The following MTA3 variants were observed in gnomAD, a reference collection of about 807,000 sequenced individuals.
MTA3 encodes metastasis associated 1 family member 3.
In MTA3, 34 loss-of-function variants were observed where a neutral mutation model predicts 83.5. The ratio of observed to expected loss-of-function variants is 0.41; its 90% confidence interval spans 0.31 to 0.54. The LOEUF (loss-of-function observed/expected upper bound fraction) is 0.54, where lower values mean the gene tolerates loss of function less well. Ranked by LOEUF, MTA3 falls within the 20% of genes least tolerant of loss-of-function variation. The probability of loss-of-function intolerance (pLI) is 0.33; values close to 1 mark genes in which losing one functional copy is unlikely to be tolerated. For synonymous variants in MTA3, 303 were observed against 252.7 expected, an observed-to-expected ratio of 1.20 and a Z score of -1.89; for missense variants, 761 against 726.4, an observed-to-expected ratio of 1.05 and a Z score of -0.55.
chr2:42,544,144 G>A (rs1404534102), intron 2 of MTA3, among the ~76,000 whole-genome samples: 1 of 152,042 alleles, frequency 6.6e-6, no homozygotes, highest in Non-Finnish European at 1.5e-5. Flanking sequence ...AACAGTATAT[G>A]CTTCTAAGAT....
intron 12 of MTA3, among the ~76,000 whole-genome samples, chr2:42,707,345 G>A (rs1410932723): frequency 1.3e-5 from 2 of 151,888 alleles, no homozygotes; most frequent in African/African-American, 2.4e-5. Flanking sequence ...CCACATTCAA[G>A]CAATTCTACT....
intron 4 of MTA3, among the ~76,000 whole-genome samples, chr2:42,612,486 G>A (rs1684346573): frequency 6.6e-6 from 1 of 152,132 alleles, no homozygotes; most frequent in South Asian, 2.1e-4. Flanking sequence ...AAAGTGCTGG[G>A]ATTACAGGTG....
chr2:42,682,541 G>C lies in MTA3; in HGVS notation c.843G>C (p.Glu281Asp). The C allele has an allele frequency of 6.2e-7, 1 of 1,612,776 alleles. No homozygotes were observed. The highest frequency in any genetic ancestry group is 8.5e-7 in the Non-Finnish European group (1 of 1,179,402). The stretch of plus-strand genomic sequence containing the variant: ...CCTCTGAAGCTAGCTTATTTGAAGA[G>C]GCACTGGAAAAATATGGCAAAGACT... ...WSASEASLFE[E>D]ALEKYGKDFN... The change falls in exon 9 of 17, where the codon GAG becomes GAC. Residue 281 changes from glutamate (E) to aspartate (D), a missense_variant. Transcript: ENST00000405094.
intron 8 of MTA3, among the ~76,000 whole-genome samples, chr2:42,671,252 C>T (rs1248444632): frequency 6.6e-6 from 1 of 151,958 alleles, no homozygotes; most frequent in Non-Finnish European, 1.5e-5. Context: ...TTATATATTT[C>T]CCCCTAAAAT....
intron 2 of MTA3, among the ~76,000 whole-genome samples, chr2:42,513,766 G>A (rs1182689943): frequency 6.6e-6 from 1 of 152,232 alleles, no homozygotes. Flanking sequence ...AAGGGACAGG[G>A]AAGTGCAGGA....
intron 14 of MTA3, among the ~76,000 whole-genome samples, chr2:42,711,965 C>T (rs1666659625): frequency 1.3e-5 from 2 of 152,062 alleles, no homozygotes; most frequent in South Asian, 4.1e-4. Flanking sequence ...ATCTAGAGTT[C>T]TAATTAATGC....
intron 2 of MTA3, among the ~76,000 whole-genome samples, chr2:42,507,647 G>C (rs778237939): frequency 2.0e-5 from 3 of 150,898 alleles, no homozygotes; most frequent in Non-Finnish European, 4.4e-5. Flanking sequence ...AGGAAAACTA[G>C]GTCAGGTGCC....
At position 42,609,459 on chromosome 2, in the gene MTA3, A is replaced by C; in HGVS notation, c.192A>C (p.Lys64Asn). 1 of 1,613,582 alleles carries C rather than the reference A, an allele frequency of 6.2e-7. No individual in the cohort carries two copies. The highest frequency in any genetic ancestry group is 1.1e-5 in the South Asian group (1 of 91,044). The change falls in exon 4 of 17, where the codon AAA becomes AAC. Residue 64 changes from lysine (K) to asparagine (N), a missense_variant and splice_region_variant. By Grantham distance (94) the Lys-to-Asn change is moderately conservative (BLOSUM62 0). Transcript: ENST00000405094. ...ATTCTTTGAATTTTATTTGTGTAGA[A>C]GAAATTGAGGAAGAATCTGAAACAA... ...TLIMLADKHAKEIEEESETTV... is the reference protein window; with the variant it reads ...TLIMLADKHANEIEEESETTV...
chr2:42,656,168 A>G lies in MTA3; in HGVS notation c.500-32A>G, dbSNP rs773140882. ...GTATGAGACAGTATGCCTTGTCAGT[A>G]ACAAGACTCCATTTTATTTATTTTT... On this transcript the variant is annotated intron_variant, in intron 6 of 16. Transcript: ENST00000405094. The G allele has an allele frequency of 4.0e-6, 6 of 1,510,426 alleles. No homozygotes were observed. In the African/African-American group the frequency reaches 5.5e-5, roughly 14 times the overall value. 93.6% of individuals were successfully genotyped at this position (1,510,426 alleles called of 1,614,324 possible).
At chr2:42,548,831 T>TATATATATATATAATATATATATATATA (rs1558428246) in intron 2 of MTA3, among the ~76,000 whole-genome samples, 8 of 8,538 alleles carry the variant, frequency 9.4e-4, no homozygotes, top group Admixed American at 2.0e-3. Flanking sequence ...ATATATATAA[T>TATATATATATATAATATATATATATATA]ATATATATAT....
chr2:42,744,369 G>C (rs185589024), intron 16 of MTA3, among the ~76,000 whole-genome samples: 70 of 152,316 alleles, frequency 4.6e-4, no homozygotes, highest in African/African-American at 1.6e-3. Flanking sequence ...TCATGTCTCT[G>C]AGGGAAGCAC....
At chr2:42,707,496 C>G (rs1666206220) in intron 12 of MTA3, among the ~76,000 whole-genome samples, 1 of 152,200 alleles carries the variant, frequency 6.6e-6, no homozygotes, top group Non-Finnish European at 1.5e-5. Flanking sequence ...GTCCGCCTGC[C>G]TCAACCTCCC....
At chr2:42,657,868 A>T (rs1008540210) in intron 7 of MTA3, among the ~76,000 whole-genome samples, 3 of 151,722 alleles carry the variant, frequency 2.0e-5, no homozygotes, top group Non-Finnish European at 4.4e-5. Flanking sequence ...TCAGGAGGTC[A>T]AGACTAGCCT....
At chr2:42,551,295 A>G (rs991249433) in intron 2 of MTA3, among the ~76,000 whole-genome samples, 1 of 151,904 alleles carries the variant, frequency 6.6e-6, no homozygotes, top group Admixed American at 6.6e-5. Context: ...GGTTCAAACA[A>G]TTCTCCTGTT....
At chr2:42,717,098 A>G (rs1000420730) in intron 14 of MTA3, among the ~76,000 whole-genome samples, 2 of 127,982 alleles carry the variant, frequency 1.6e-5, no homozygotes, top group Non-Finnish European at 3.4e-5. Flanking sequence ...CTCTTTTGCC[A>G]TCTTCGGTTT....
chr2:42,696,407 A>AT (rs1392261471), intron 10 of MTA3, among the ~76,000 whole-genome samples: 2 of 152,126 alleles, frequency 1.3e-5, no homozygotes, highest in Non-Finnish European at 2.9e-5. Flanking sequence ...TCAATTACTT[A>AT]TTTTTTGAAT....
chr2:42,720,085 C>G (rs1272559548), intron 15 of MTA3, among the ~76,000 whole-genome samples: 9 of 152,084 alleles, frequency 5.9e-5, no homozygotes, highest in African/African-American at 1.7e-4. Context: ...AGTCCTTACC[C>G]AAAAGAATGT....
chr2:42,496,243 G>A (rs949665248), intron 2 of MTA3, among the ~76,000 whole-genome samples: 3 of 152,104 alleles, frequency 2.0e-5, no homozygotes, highest in African/African-American at 7.2e-5. Flanking sequence ...ATTTTCATGC[G>A]ATTTCTTAGA....
intron 6 of MTA3, among the ~76,000 whole-genome samples, chr2:42,653,942 G>T (rs1010039959): frequency 6.6e-6 from 1 of 152,208 alleles, no homozygotes; most frequent in Non-Finnish European, 1.5e-5. Flanking sequence ...AAAAGACACA[G>T]GCAGGTTAAT....
Sources: allele counts gnomAD v4.1 joint callset (sites outside exome capture counted in the v4.1 genomes callset), GRCh38; gene constraint gnomAD v4.1.1; transcripts MANE v1.5; gene names NCBI Gene and HGNC (gene_info 2026-07-23, HGNC 2026-07-21).